Variants in ZNF341 observed in about 807,000 individuals in gnomAD.
The protein encoded by ZNF341 is zinc finger protein 341.
Under a neutral mutation model 87.7 loss-of-function variants are expected in ZNF341, and 52 were observed. That is an observed-to-expected ratio of 0.59 (90% CI 0.47 to 0.75). The LOEUF (loss-of-function observed/expected upper bound fraction) is 0.75. Among genes scored for constraint, ZNF341 ranks in the 30% least tolerant of loss-of-function variants. ZNF341 has a pLI of 0.00. For missense variants in ZNF341, 977 were observed against 1,145.9 expected (o/e 0.85, Z 2.13); for synonymous variants, 459 against 472.7 (o/e 0.97, Z 0.38).
At chr20:33,745,038 CT>C (rs1172870411) in intron 2 of ZNF341, 64 bp from the exon 3 acceptor site, 14 of 1,478,524 alleles carry the variant, frequency 9.5e-6, no homozygotes, top group Admixed American at 1.8e-5. Flanking sequence ...CATAGTCTTG[CT>C]TTTTTTTCAT....
intron 10 of ZNF341, among the ~76,000 whole-genome samples, chr20:33,774,804 C>T (rs2019597684): frequency 6.6e-6 from 1 of 151,936 alleles, no homozygotes; most frequent in Non-Finnish European, 1.5e-5. Flanking sequence ...CTTGCCTGTA[C>T]AAAAAATACA....
chr20:33,753,163 T>C lies in ZNF341; in HGVS notation c.490-9T>C, dbSNP rs1245955703. 6.2e-7 allele frequency: 1 copy of C among 1,611,962 alleles called. No individual in the cohort carries two copies. Among genetic ancestry groups the C allele is most frequent in the African/African-American group, 1.3e-5 (1 of 74,864 alleles). On this transcript the variant is annotated splice_polypyrimidine_tract_variant and intron_variant, in intron 4 of 14. Transcript: ENST00000375200. ...AGAGGCTATAACACTTTTTCTTTTCTGATTTCAGAGCAGCCTGAACATGCA... is the reference window on the plus strand; with the variant it reads ...AGAGGCTATAACACTTTTTCTTTTCCGATTTCAGAGCAGCCTGAACATGCA...
Position 33,757,161 on chromosome 20 carries a change from G to A in ZNF341, c.755G>A (p.Cys252Tyr), listed in dbSNP as rs537959262. The part of the protein sequence containing the change: ...PYPPLEVPNQ[C>Y]VEPPVYPTPT... ...TTGTCCTCCTAGGTGCCAAACCAGT[G>A]TGTGGAGCCTCCAGTATATCCCACC... The change falls in exon 6 of 15, where the codon TGT becomes TAT. Residue 252 changes from cysteine to tyrosine, a missense_variant. Physicochemically the swap from Cys to Tyr is radical, Grantham distance 194 (BLOSUM62 -2). Transcript: ENST00000375200. 1.4e-5 allele frequency: 21 copies of A among 1,452,012 alleles called. No individual in the cohort carries two copies. In the South Asian group the frequency reaches 2.1e-4, roughly 14 times the overall value. 89.9% of individuals were successfully genotyped at this position (1,452,012 alleles called of 1,614,324 possible).
intron 10 of ZNF341, among the ~76,000 whole-genome samples, chr20:33,778,314 T>G (rs1295828376): frequency 1.3e-5 from 2 of 152,054 alleles, no homozygotes; most frequent in East Asian, 3.8e-4. Flanking sequence ...TTCTTTTCTT[T>G]TTTTATTTTT....
Position 33,732,768 on chromosome 20 carries a change from A to T in ZNF341, c.31+716A>T, listed in dbSNP as rs973641125. On this transcript the variant is annotated intron_variant, in intron 1 of 14. Transcript: ENST00000375200. This position sits in a 1 kb window ranked among gnomAD's most constrained non-coding sequence, Gnocchi z 4.5. ...GTTCCGTGCTCTGCAAGAACCTGGGATGGGGTTGGTGCTCAGGCTCAAAAC... is the reference window on the plus strand; with the variant it reads ...GTTCCGTGCTCTGCAAGAACCTGGGTTGGGGTTGGTGCTCAGGCTCAAAAC... 6.6e-6 allele frequency among the ~76,000 whole-genome samples: 1 copy of T among 152,140 alleles called. No individual in the cohort carries two copies. The highest frequency in any genetic ancestry group is 2.4e-5 in the African/African-American group (1 of 41,446).
At chr20:33,756,264 C>A (rs1378863749) in intron 5 of ZNF341, among the ~76,000 whole-genome samples, 1 of 151,950 alleles carries the variant, frequency 6.6e-6, no homozygotes, top group African/African-American at 2.4e-5. Context: ...GGCTTCAGTT[C>A]TCAGTGAAGA....
intron 10 of ZNF341, among the ~76,000 whole-genome samples, chr20:33,777,207 C>T (rs2019645367): frequency 6.9e-6 from 1 of 145,002 alleles, no homozygotes; most frequent in Admixed American, 7.0e-5. Context: ...CCTGTGGTCT[C>T]AGCTGCTCAG....
chr20:33,766,621 G>A (rs192959109), intron 8 of ZNF341, among the ~76,000 whole-genome samples: 4 of 152,268 alleles, frequency 2.6e-5, no homozygotes, highest in East Asian at 1.9e-4. Context: ...GGGGAGGCTC[G>A]AGGCAGCAGC....
At chr20:33,773,313 C>T (rs558287124) in intron 10 of ZNF341, among the ~76,000 whole-genome samples, 1 of 152,118 alleles carries the variant, frequency 6.6e-6, no homozygotes, top group Non-Finnish European at 1.5e-5. Flanking sequence ...AGATTGAGCC[C>T]GATGCTGATG....
At chr20:33,742,219 T>G (rs1169013079) in intron 2 of ZNF341, among the ~76,000 whole-genome samples, 2 of 152,126 alleles carry the variant, frequency 1.3e-5, no homozygotes, top group Non-Finnish European at 2.9e-5. Flanking sequence ...GTTTTTGAGA[T>G]GGAGTCTTGC....
chr20:33,791,320 G>C lies in ZNF341; in HGVS notation c.2368G>C (p.Gly790Arg), dbSNP rs371648715. The C allele has an allele frequency of 6.2e-7, 1 of 1,611,588 alleles. No homozygotes were observed. Among genetic ancestry groups the C allele is most frequent in the Non-Finnish European group, 8.5e-7 (1 of 1,179,472 alleles). The stretch of plus-strand genomic sequence containing the variant: ...TGGGCTGGTGCCCGAGGCTGTCCCC[G>C]GCAAGCCGCCCTTCGCAGAGCCGGA... ...GAGLVPEAVP[G>R]KPPFAEPDAV... The change falls in exon 15 of 15, where the codon GGC becomes CGC. Residue 790 changes from glycine (G) to arginine (R), a missense_variant. Physicochemically the swap from Gly to Arg is moderately radical, Grantham distance 125. Transcript: ENST00000375200.
rs1045714297 is a variant in ZNF341, at chr20:33,789,650, C to T, written c.2035+62C>T. ...CAGCTCTAGTTCACTGGGATAGACC[C>T]GCCAGGAAGAGAAAGAGCAGACATA... On this transcript the variant is annotated intron_variant, in intron 14 of 14. Coordinates refer to ENST00000375200, the MANE Select transcript of ZNF341 (RefSeq NM_001282933.2). 19 of 1,558,640 alleles carry T rather than the reference C, an allele frequency of 1.2e-5. No individual in the cohort carries two copies. The Admixed American group carries it at 2.0e-4, about 17-fold the overall frequency.
At chr20:33,783,288 C>T (rs183442296) in intron 11 of ZNF341, among the ~76,000 whole-genome samples, 1 of 152,150 alleles carries the variant, frequency 6.6e-6, no homozygotes. Context: ...GAGTGAAAGC[C>T]CCTCTCTGCC....
chr20:33,762,916 TAAAG>T (rs1489622435), intron 8 of ZNF341, among the ~76,000 whole-genome samples: 2 of 151,266 alleles, frequency 1.3e-5, no homozygotes, highest in African/African-American at 4.9e-5. Context: ...GTGCCACATT[TAAAG>T]AAAGCCCTTT....
intron 3 of ZNF341, among the ~76,000 whole-genome samples, chr20:33,747,109 A>G (rs1243477706): frequency 6.6e-6 from 1 of 152,168 alleles, no homozygotes; most frequent in African/African-American, 2.4e-5. Context: ...GGGGGCTCAT[A>G]GAAAGACTAA....
intron 10 of ZNF341, among the ~76,000 whole-genome samples, chr20:33,772,777 A>G (rs542936635): frequency 6.6e-6 from 1 of 152,240 alleles, no homozygotes; most frequent in African/African-American, 2.4e-5. Flanking sequence ...GGCCTATGGG[A>G]AAAAGTGGGG....
At chr20:33,790,528 T>G (rs765411390) in intron 14 of ZNF341, among the ~76,000 whole-genome samples, 32 of 151,904 alleles carry the variant, frequency 2.1e-4, no homozygotes, top group Non-Finnish European at 4.1e-4. Flanking sequence ...CTCTGGGGGG[T>G]AAAGTCTCCC....
At chr20:33,790,495 A>T (rs2019984936) in intron 14 of ZNF341, among the ~76,000 whole-genome samples, 1 of 152,166 alleles carries the variant, frequency 6.6e-6, no homozygotes, top group Non-Finnish European at 1.5e-5. Context: ...ACAACCAAAA[A>T]TGTCTCTAGG....
rs140542174 is a variant in ZNF341 at position 33,758,733 on chromosome 20, G to T, written c.955G>T (p.Ala319Ser). 9.9e-6 allele frequency: 16 copies of T among 1,613,644 alleles called. No individual in the cohort carries two copies. The African/African-American group carries it at 1.1e-4, about 11-fold the overall frequency. The change falls in exon 7 of 15, where the codon GCT becomes TCT. Residue 319 changes from alanine to serine, a missense_variant. Coordinates refer to ENST00000375200, the MANE Select transcript of ZNF341 (RefSeq NM_001282933.2). ...TCTTTCAGCTGCAGGGAAGCCAAAG[G>T]CTCAGAAACTCAAGTGCTCATACTG... ...GLPEAAGKPK[A>S]QKLKCSYCDK... is the part of the protein sequence containing the mutation.
Sources: gnomAD v4.1 joint callset for allele counts (sites outside exome capture counted in the v4.1 genomes callset) on GRCh38, gnomAD v4.1.1 for gene constraint, Gnocchi (gnomAD v3.1) non-coding constraint, MANE v1.5 for transcripts, NCBI Gene and HGNC (gene_info 2026-07-23, HGNC 2026-07-21) for gene names.